The following MACROD2 variants were observed in gnomAD, a reference collection of about 807,000 sequenced individuals.
The protein encoded by MACROD2 is mono-ADP ribosylhydrolase 2.
MACROD2 carries 36 observed loss-of-function variants against 70.4 expected under a neutral mutation model. The observed-to-expected ratio is 0.51, with a 90% CI of 0.39 to 0.68. The LOEUF is 0.68. Ranked by LOEUF, MACROD2 falls within the 30% of genes least tolerant of loss-of-function variation. The pLI, the probability that MACROD2 is intolerant of heterozygous loss-of-function variation, is 0.00. For missense variants in MACROD2, 496 were observed against 538.4 expected (o/e 0.92, Z 0.78); for synonymous variants, 172 against 178.8 (o/e 0.96, Z 0.30).
intron 5 of MACROD2, among the ~76,000 whole-genome samples, chr20:14,854,953 T>C (rs1174021821): frequency 1.3e-5 from 2 of 152,000 alleles, no homozygotes; most frequent in African/African-American, 4.8e-5. Context: ...CAGACGGAGC[T>C]TGCAGTGAGC....
At chr20:15,700,936 C>G (rs1350724138) in intron 8 of MACROD2, among the ~76,000 whole-genome samples, 2 of 152,200 alleles carry the variant, frequency 1.3e-5, no homozygotes, top group Non-Finnish European at 2.9e-5. Context: ...AAATGTTTCT[C>G]AAACCAGCAT....
chr20:15,249,805 G>A (rs6043153), intron 6 of MACROD2, among the ~76,000 whole-genome samples: 22 of 152,308 alleles, frequency 1.4e-4, no homozygotes, highest in Admixed American at 9.1e-4. Context: ...AAACATGGGC[G>A]GCAGGGGCCG....
At chr20:15,718,878 A>G (rs1161737487) in intron 8 of MACROD2, among the ~76,000 whole-genome samples, 1 of 152,230 alleles carries the variant, frequency 6.6e-6, no homozygotes, top group African/African-American at 2.4e-5. Flanking sequence ...CTGTCAGCTC[A>G]GTGGCCCTTC....
intron 2 of MACROD2, among the ~76,000 whole-genome samples, chr20:14,012,986 T>G (rs1178701770): frequency 6.6e-6 from 1 of 152,200 alleles, no homozygotes; most frequent in Non-Finnish European, 1.5e-5. Flanking sequence ...ATGTATGATC[T>G]ATAAGTGTGT....
chr20:15,428,623 C>G (rs2046328814), intron 6 of MACROD2, among the ~76,000 whole-genome samples: 1 of 152,146 alleles, frequency 6.6e-6, no homozygotes, highest in Admixed American at 6.5e-5. Context: ...TACCCTAGCC[C>G]AAGCCCCTTT....
chr20:15,857,239 C>A (rs568969224), intron 8 of MACROD2, among the ~76,000 whole-genome samples: 1 of 152,266 alleles, frequency 6.6e-6, no homozygotes, highest in South Asian at 2.1e-4. Flanking sequence ...CTATGGAAGT[C>A]CCTTGCCTGT....
At chr20:14,549,236 C>A (rs1033994550) in intron 4 of MACROD2, among the ~76,000 whole-genome samples, 6 of 152,056 alleles carry the variant, frequency 3.9e-5, no homozygotes, top group African/African-American at 1.4e-4. Flanking sequence ...GGGCTAGAAT[C>A]TATATTTGGG....
chr20:15,401,228 C>T (rs558068654), intron 6 of MACROD2, among the ~76,000 whole-genome samples: 19 of 151,988 alleles, frequency 1.3e-4, no homozygotes, highest in Admixed American at 3.9e-4. Context: ...TTAGTGGAGA[C>T]GGGGTTTCAC....
chr20:14,780,129 G>A (rs534241182), intron 5 of MACROD2, among the ~76,000 whole-genome samples: 9 of 152,246 alleles, frequency 5.9e-5, no homozygotes, highest in Non-Finnish European at 1.2e-4. Context: ...AAAAGGCTGA[G>A]GTGAAAGGGT....
intron 12 of MACROD2, among the ~76,000 whole-genome samples, chr20:15,950,240 T>C (rs1249798999): frequency 6.6e-6 from 1 of 152,226 alleles, no homozygotes; most frequent in African/African-American, 2.4e-5. Flanking sequence ...AATTTAAAAA[T>C]AAATACTGTA....
chr20:14,757,983 C>G (rs965651845), intron 5 of MACROD2: 48 of 824,364 alleles, frequency 5.8e-5, no homozygotes, highest in Middle Eastern at 3.3e-4. Flanking sequence ...AAAGCCGAGG[C>G]TGGGACTGGG....
At chr20:14,703,259 A>G (rs945941611) in intron 5 of MACROD2, among the ~76,000 whole-genome samples, 1 of 152,048 alleles carries the variant, frequency 6.6e-6, no homozygotes, top group Non-Finnish European at 1.5e-5. Context: ...GCTGGTTGGG[A>G]GGGACTGTGT....
chr20:15,091,742 G>T (rs1177338320), intron 5 of MACROD2, among the ~76,000 whole-genome samples: 1 of 152,042 alleles, frequency 6.6e-6, no homozygotes, highest in Non-Finnish European at 1.5e-5. Flanking sequence ...AACACAATAT[G>T]CATTTTTTAA....
intron 4 of MACROD2, among the ~76,000 whole-genome samples, chr20:14,674,580 C>T (rs1351553897): frequency 1.6e-4 from 24 of 152,294 alleles, no homozygotes; most frequent in Non-Finnish European, 2.9e-5. Context: ...ATTCAAATCT[C>T]TGCTGTCTGA....
chr20:15,151,068 G>A (rs947660537), intron 5 of MACROD2, among the ~76,000 whole-genome samples: 7 of 152,108 alleles, frequency 4.6e-5, no homozygotes, highest in East Asian at 3.9e-4. Flanking sequence ...CAGGGCTTCC[G>A]AGGCGATCAG....
intron 8 of MACROD2, among the ~76,000 whole-genome samples, chr20:15,713,035 G>A (rs2050651908): frequency 6.6e-6 from 1 of 152,004 alleles, no homozygotes; most frequent in South Asian, 2.1e-4. Context: ...CTGGCTTCAG[G>A]CACTCCTCTG....
At chr20:15,743,374 G>C (rs1452251861) in intron 8 of MACROD2, among the ~76,000 whole-genome samples, 3 of 152,146 alleles carry the variant, frequency 2.0e-5, no homozygotes, top group Non-Finnish European at 4.4e-5. Flanking sequence ...TTTTCAGGAA[G>C]TGATACAAGT....
chr20:15,188,250 A>G (rs2076546479), intron 5 of MACROD2, among the ~76,000 whole-genome samples: 2 of 152,018 alleles, frequency 1.3e-5, no homozygotes, highest in Admixed American at 6.6e-5. Flanking sequence ...ATTTTCCTTC[A>G]CCTCCCTCTG....
intron 8 of MACROD2, among the ~76,000 whole-genome samples, chr20:15,792,270 A>C (rs1454534590): frequency 6.6e-6 from 1 of 152,158 alleles, no homozygotes; most frequent in East Asian, 1.9e-4. Flanking sequence ...AGTTTGAGGA[A>C]AAACATGAGT....
Sources: gnomAD v4.1 joint callset for allele counts (sites outside exome capture counted in the v4.1 genomes callset) on GRCh38, gnomAD v4.1.1 for gene constraint, MANE v1.5 for transcripts, NCBI Gene and HGNC (gene_info 2026-07-23, HGNC 2026-07-21) for gene names.